The following FAM53A variants were observed in gnomAD, a reference collection of about 807,000 sequenced individuals.
FAM53A encodes the protein family with sequence similarity 53 member A.
In FAM53A, 28 loss-of-function variants were observed where a neutral mutation model predicts 26.6. The ratio of observed to expected loss-of-function variants is 1.05; its 90% confidence interval spans 0.78 to 1.45. FAM53A has a LOEUF of 1.45. Among genes scored for constraint, FAM53A ranks in the 40% most tolerant of loss-of-function variants. The pLI, the probability that FAM53A is intolerant of heterozygous loss-of-function variation, is 0.00. For synonymous variants in FAM53A, 290 were observed against 253.1 expected (o/e 1.15, Z -1.38); for missense variants, 650 against 575.8 (o/e 1.13, Z -1.32).
At chr4:1,664,651 A>T (rs975377527) in intron 2 of FAM53A, among the ~76,000 whole-genome samples, 21 of 152,314 alleles carry the variant, frequency 1.4e-4, no homozygotes, top group African/African-American at 5.1e-4. Flanking sequence ...GGGTTTCCTC[A>T]ACACAGGCAA....
downstream of FAM53A, chr4:1,639,828 A>G (rs1480604013): frequency 2.0e-5 from 3 of 152,296 alleles, no homozygotes; most frequent in Admixed American, 6.5e-5. Context: ...ATTAACTTCA[A>G]TGACCTTTCA....
Position 1,630,296 on chromosome 4 carries a change from C to A in FAM53A, c.432-12185G>T, listed in dbSNP as rs1447816549. ...GCTGCCCGTGACCAGGGGGTCAGAGCCCACCTTGGTGTTGTGGCCCCCATG... is the reference window on the plus strand; with the variant it reads ...GCTGCCCGTGACCAGGGGGTCAGAGACCACCTTGGTGTTGTGGCCCCCATG... On this transcript the variant is annotated intron_variant, in intron 1 of 1. Coordinates refer to the FAM53A transcript ENST00000489029. This position sits in a 1 kb window ranked among gnomAD's most constrained non-coding sequence, Gnocchi z 4.3. 7.9e-5 allele frequency among the ~76,000 whole-genome samples: 12 copies of A among 152,336 alleles called. No homozygotes were observed. Among genetic ancestry groups the A allele is most frequent in the African/African-American group, 2.9e-4 (12 of 41,576 alleles).
At chr4:1,602,289 T>TGCCTC in the FAM53A span, among the ~76,000 whole-genome samples, 3 of 152,014 alleles carry the variant, frequency 2.0e-5, no homozygotes, top group Admixed American at 6.5e-5. Context: ...CAAATGAAAG[T>TGCCTC]CTGTTTAGGT....
chr4:1,641,608 C>G lies in FAM53A; in HGVS notation c.883-1G>C, dbSNP rs756825753. 2 of 1,613,874 alleles carry G rather than the reference C, an allele frequency of 1.2e-6. No homozygotes were observed. Among genetic ancestry groups the G allele is most frequent in the African/African-American group, 2.7e-5 (2 of 74,920 alleles). ...AAAGGCTTTTTGAATTTTTTAAAGTCTGCAATAGAAAAGATACGGGCTTAA... is the reference window on the plus strand; with the variant it reads ...AAAGGCTTTTTGAATTTTTTAAAGTGTGCAATAGAAAAGATACGGGCTTAA... On this transcript the variant is annotated splice_acceptor_variant, in intron 4 of 4. Transcript: ENST00000308132. LOFTEE classifies it high-confidence loss of function.
chr4:1,664,967 G>C (rs2108975855), intron 2 of FAM53A, among the ~76,000 whole-genome samples: 1 of 152,032 alleles, frequency 6.6e-6, no homozygotes, highest in East Asian at 1.9e-4. Flanking sequence ...AACAGAGTGA[G>C]ACTCTTGTCT....
intron 1 of FAM53A, among the ~76,000 whole-genome samples, chr4:1,672,759 CTTTTTTTT>C (rs35045856): frequency 7.2e-4 from 47 of 64,830 alleles, no homozygotes; most frequent in African/African-American, 2.2e-3. Context: ...CCTGAATTTC[CTTTTTTTT>C]TTTTTTTTTT....
downstream of FAM53A, chr4:1,617,852 T>C (rs2108735676): frequency 2.8e-6 from 1 of 362,378 alleles, no homozygotes; most frequent in Non-Finnish European, 5.4e-6. Context: ...TGAGGGTGCC[T>C]GCGCCCACCC....
chr4:1,586,635 T>A, the FAM53A span, among the ~76,000 whole-genome samples: 1 of 151,616 alleles, frequency 6.6e-6, no homozygotes, highest in Admixed American at 6.6e-5. Flanking sequence ...TATAAAAAAT[T>A]AGCCAGGTGT....
intron 4 of FAM53A, among the ~76,000 whole-genome samples, chr4:1,650,298 G>C (rs1446961207): frequency 7.0e-6 from 1 of 142,690 alleles, no homozygotes; most frequent in Non-Finnish European, 1.5e-5. Flanking sequence ...CACAGGCGTG[G>C]TGTTTGTGAG....
At chr4:1,665,473 G>T (rs1014890308) in intron 2 of FAM53A, among the ~76,000 whole-genome samples, 18 of 149,908 alleles carry the variant, frequency 1.2e-4, no homozygotes, top group African/African-American at 4.2e-4. Flanking sequence ...CGGCAACAGG[G>T]CAAGACTCCA....
At position 1,655,690 on chromosome 4, in the gene FAM53A, G is replaced by C. The variant is rs767498661; in HGVS notation, c.170C>G (p.Pro57Arg). 1.9e-6 allele frequency: 3 copies of C among 1,591,406 alleles called. No individual in the cohort carries two copies. Among genetic ancestry groups the C allele is most frequent in the East Asian group, 4.5e-5 (2 of 44,002 alleles). Reference sequence around the variant, plus strand: ...CGTGGCTGCCTGGCTTCTGACGGGCGGTCCTCCACTGAAGACCTTCCAGGG... The same window carrying C: ...CGTGGCTGCCTGGCTTCTGACGGGCCGTCCTCCACTGAAGACCTTCCAGGG... ...QSPWKVFSGG[P>R]PVRSQAATGP... The change falls in exon 4 of 5, where the codon CCG becomes CGG. Residue 57 changes from proline (P) to arginine (R), a missense_variant. Pro to Arg is a moderately radical substitution (Grantham distance 103, BLOSUM62 -2). Transcript: ENST00000308132.
intron 4 of FAM53A, among the ~76,000 whole-genome samples, chr4:1,650,792 G>A (rs892157035): frequency 2.7e-5 from 4 of 150,896 alleles, no homozygotes; most frequent in South Asian, 2.1e-4. Context: ...CAGTACACCC[G>A]GCGGGTTTTG....
chr4:1,629,779 G>T (rs1195967472), intron 1 of FAM53A, among the ~76,000 whole-genome samples: 1 of 152,182 alleles, frequency 6.6e-6, no homozygotes, highest in Non-Finnish European at 1.5e-5. Context: ...GTCTCCGAAG[G>T]CAGTTAGTCC....
intron 1 of FAM53A, among the ~76,000 whole-genome samples, chr4:1,678,730 G>A (rs985184354): frequency 6.6e-6 from 1 of 151,810 alleles, no homozygotes; most frequent in Non-Finnish European, 1.5e-5. Flanking sequence ...GCTGAGGCAG[G>A]AGAATCACTT....
downstream of FAM53A, among the ~76,000 whole-genome samples, chr4:1,613,449 G>T (rs60700012): frequency 6.6e-6 from 1 of 152,222 alleles, no homozygotes; most frequent in African/African-American, 2.4e-5. Flanking sequence ...AAGGCCCTGC[G>T]TCTTAGTCCT....
At position 1,661,644 on chromosome 4, in the gene FAM53A, A is replaced by G. The variant is rs1036985570; in HGVS notation, c.76-4176T>C. Among the ~76,000 whole-genome samples, 8 of 136,198 alleles carry G rather than the reference A, an allele frequency of 5.9e-5. No homozygotes were observed. The Admixed American group carries it at 6.2e-4, about 11-fold the overall frequency. 89.4% of individuals were successfully genotyped at this position (136,198 alleles called of 152,430 possible). A position where few individuals can be genotyped will look rare whatever the true frequency, so the allele number is the denominator to read the frequency against. The stretch of plus-strand genomic sequence containing the variant: ...CCCAATGGCCTTTGCCCACCCCAAC[A>G]TTAAGACCCCGCCCATCTTCCAGCA... On this transcript the variant is annotated intron_variant, in intron 2 of 4. Coordinates refer to ENST00000308132, the MANE Select transcript of FAM53A (RefSeq NM_001174070.3).
the FAM53A span, among the ~76,000 whole-genome samples, chr4:1,593,012 C>A: frequency 1.6e-3 from 238 of 152,240 alleles, no homozygotes; most frequent in Admixed American, 3.8e-3. Flanking sequence ...CCCAGCCCAG[C>A]TGGGTCACTT....
rs762669917 is a variant in FAM53A, at chr4:1,668,620, A to C, written c.75+47T>G. On this transcript the variant is annotated intron_variant, in intron 2 of 4. Transcript: ENST00000308132. ...CCCAGTGTGGCCATTCCCCTGTGAC[A>C]GCACGGGGGAGGGGCACCCAGCCTG... 3.7e-6 allele frequency: 6 copies of C among 1,602,016 alleles called. No homozygotes were observed. The South Asian group carries it at 6.6e-5, about 18-fold the overall frequency.
chr4:1,637,049 T>C (rs1715876332), downstream of FAM53A, among the ~76,000 whole-genome samples: 1 of 152,096 alleles, frequency 6.6e-6, no homozygotes, highest in Non-Finnish European at 1.5e-5. Flanking sequence ...ACGGGCAGGC[T>C]CCTCTCCTGG....
Sources: allele counts gnomAD v4.1 joint callset (sites outside exome capture counted in the v4.1 genomes callset), GRCh38; gene constraint gnomAD v4.1.1; non-coding constraint Gnocchi (gnomAD v3.1); transcripts MANE v1.5; gene names NCBI Gene and HGNC (gene_info 2026-07-23, HGNC 2026-07-21).